MIER1: variants seen among roughly 807,000 people sequenced by gnomAD.
MIER1 encodes the protein mesoderm induction early response protein 1.
A neutral mutation model predicts 75.7 loss-of-function variants in MIER1; 40 were observed. The observed-to-expected ratio is 0.53, with a 90% CI of 0.41 to 0.69. MIER1 has a LOEUF of 0.69. Among genes scored for constraint, MIER1 ranks in the 30% least tolerant of loss-of-function variants. The pLI, the probability that MIER1 is intolerant of heterozygous loss-of-function variation, is 0.00. For synonymous variants in MIER1, 213 were observed against 223.4 expected, an observed-to-expected ratio of 0.95 and a Z score of 0.42; for missense variants, 574 against 680.2, an observed-to-expected ratio of 0.84 and a Z score of 1.74.
chr1:66,961,256 C>T lies in MIER1; in HGVS notation c.699+1513C>T, dbSNP rs532578866. Reference sequence around the variant, plus strand: ...AGATGAAATTGAGTTTTTATAGAAACTTAAGGTAGGGGAAACAGTTTTGAA... The same window carrying T: ...AGATGAAATTGAGTTTTTATAGAAATTTAAGGTAGGGGAAACAGTTTTGAA... On this transcript the variant is annotated intron_variant, in intron 7 of 13. Coordinates refer to ENST00000401041, the MANE Select transcript of MIER1 (RefSeq NM_001077700.3). Among the ~76,000 whole-genome samples, 13 of 151,980 alleles carry T rather than the reference C, an allele frequency of 8.6e-5. No individual in the cohort carries two copies. The South Asian group carries it at 2.3e-3, about 27-fold the overall frequency.
chr1:66,984,337 AC>A (rs1428934866), intron 13 of MIER1, among the ~76,000 whole-genome samples: 1 of 152,138 alleles, frequency 6.6e-6, no homozygotes, highest in Non-Finnish European at 1.5e-5. Flanking sequence ...TTTCACAACA[AC>A]CCTGTGAGGA....
At chr1:66,935,802 CT>C (rs1468688726) in intron 2 of MIER1, among the ~76,000 whole-genome samples, 7 of 152,228 alleles carry the variant, frequency 4.6e-5, no homozygotes, top group South Asian at 2.1e-4. Flanking sequence ...TTTCTTTATA[CT>C]CCTAATTTTT....
intron 13 of MIER1, among the ~76,000 whole-genome samples, chr1:66,984,358 A>G (rs908753732): frequency 6.6e-6 from 1 of 152,228 alleles, no homozygotes; most frequent in Non-Finnish European, 1.5e-5. Context: ...AATATCTATT[A>G]TGATCTTCAT....
Position 66,984,940 on chromosome 1 carries a change from T to C in MIER1, c.*40T>C, listed in dbSNP as rs781527649. 4 of 1,526,992 alleles carry C rather than the reference T, an allele frequency of 2.6e-6. No individual in the cohort carries two copies. Among genetic ancestry groups the C allele is most frequent in the Non-Finnish European group, 3.5e-6 (4 of 1,143,230 alleles). 94.6% of individuals were successfully genotyped at this position (1,526,992 alleles called of 1,614,324 possible). ...TTACTTTCTTTGGAGTAAATTCTGG[T>C]GTGACTAAAATTTTCAGGGTTGATG... is the stretch of plus-strand genomic sequence containing the variant. On this transcript the variant is annotated 3_prime_UTR_variant, in exon 14 of 14. Coordinates refer to ENST00000401041, the MANE Select transcript of MIER1 (RefSeq NM_001077700.3).
chr1:66,953,275 A>G (rs1659382531), intron 4 of MIER1, among the ~76,000 whole-genome samples: 1 of 152,214 alleles, frequency 6.6e-6, no homozygotes, highest in Non-Finnish European at 1.5e-5. Context: ...TAATCCTTAC[A>G]TGATGCTTGT....
intron 8 of MIER1, 145 bp from the exon 9 acceptor site, chr1:66,970,663 C>T: frequency 1.9e-6 from 1 of 518,198 alleles, no homozygotes; most frequent in Non-Finnish European, 3.3e-6. Flanking sequence ...AGTTTTTGCC[C>T]AAGAACGAAG....
intron 8 of MIER1, among the ~76,000 whole-genome samples, chr1:66,969,811 T>C (rs1206127406): frequency 1.3e-5 from 2 of 152,176 alleles, no homozygotes; most frequent in African/African-American, 4.8e-5. Context: ...ATAACTAAAC[T>C]TTTCAAGAGT....
In MIER1 at chr1:66,984,795, G is replaced by A. The variant is rs1558129001; in HGVS notation, c.1593G>A (p.Arg531=). 6.2e-7 allele frequency: 1 copy of A among 1,614,010 alleles called. No homozygotes were observed. ...AAAAAAGTGAGAGACCTGCCAAAAG[G>A]CGAAGGGTAAACAGCAATGGAAAAG... is the stretch of plus-strand genomic sequence containing the variant. ...FDEKSERPAK[R]RRVNSNGKES... is the part of the protein sequence containing the mutation. The change falls in exon 14 of 14, where the codon AGG becomes AGA. Residue 531 remains arginine (R), a synonymous_variant. Transcript: ENST00000401041.
chr1:66,927,173 T>C (rs1051760961), intron 2 of MIER1, among the ~76,000 whole-genome samples: 1 of 152,148 alleles, frequency 6.6e-6, no homozygotes, highest in Non-Finnish European at 1.5e-5. Context: ...AGTAAATTGC[T>C]TACAAATGAT....
chr1:66,978,285 T>TG (rs1439129617), intron 12 of MIER1, among the ~76,000 whole-genome samples: 1 of 142,488 alleles, frequency 7.0e-6, no homozygotes, highest in African/African-American at 2.5e-5. Flanking sequence ...CAAGTTCATT[T>TG]ATAGGTAGGT....
intron 2 of MIER1, among the ~76,000 whole-genome samples, chr1:66,932,016 G>C (rs968159751): frequency 2.0e-5 from 3 of 151,998 alleles, no homozygotes; most frequent in African/African-American, 7.3e-5. Context: ...AGCTTATACA[G>C]AGAAATTTAA....
At chr1:66,956,327 G>A (rs941546158) in intron 4 of MIER1, among the ~76,000 whole-genome samples, 5 of 152,062 alleles carry the variant, frequency 3.3e-5, no homozygotes, top group African/African-American at 1.2e-4. Context: ...AGGCTGAGGT[G>A]GGAGGATCAT....
chr1:66,938,388 T>C (rs750635861), intron 2 of MIER1, among the ~76,000 whole-genome samples: 14 of 152,174 alleles, frequency 9.2e-5, no homozygotes, highest in Non-Finnish European at 7.4e-5. Flanking sequence ...ATAAGTCTTA[T>C]TTTGTGTGGA....
intron 3 of MIER1, among the ~76,000 whole-genome samples, chr1:66,944,723 T>A (rs1419089575): frequency 6.6e-6 from 1 of 152,020 alleles, no homozygotes; most frequent in Middle Eastern, 3.2e-3. Flanking sequence ...AGATTTTTTT[T>A]TATTTATTTT....
At position 66,976,934 on chromosome 1, in the gene MIER1, CTT is replaced by C. The variant is rs572211073; in HGVS notation, c.1229+213_1229+214del. 7.9e-5 allele frequency among the ~76,000 whole-genome samples: 12 copies of C among 152,182 alleles called. No individual in the cohort carries two copies. The East Asian group carries it at 2.1e-3, about 27-fold the overall frequency. ...ATAAGGCATTTAGACTTTTCAGTGT[CTT>C]ATGAAATATTGTAAACTACAGTTCA... On this transcript the variant is annotated intron_variant, in intron 12 of 13. Transcript: ENST00000401041.
chr1:66,939,921 C>T (rs552526167), intron 2 of MIER1, 107 bp from the exon 3 acceptor site: 2 of 842,858 alleles, frequency 2.4e-6, no homozygotes, highest in Non-Finnish European at 3.9e-6. Context: ...GACATTAAAA[C>T]TTACTGTAGT....
intron 8 of MIER1, among the ~76,000 whole-genome samples, chr1:66,965,811 C>G (rs1021216848): frequency 1.3e-5 from 2 of 152,106 alleles, no homozygotes; most frequent in Non-Finnish European, 2.9e-5. Flanking sequence ...ACTCCTTTCC[C>G]GGACTGACCT....
intron 3 of MIER1, among the ~76,000 whole-genome samples, chr1:66,942,202 A>C (rs1388756303): frequency 1.3e-5 from 2 of 152,178 alleles, no homozygotes; most frequent in African/African-American, 4.8e-5. Flanking sequence ...TCATGTAAAA[A>C]ATTTTTCAGT....
At chr1:66,940,384 C>A (rs1655940620) in intron 3 of MIER1, among the ~76,000 whole-genome samples, 1 of 144,232 alleles carries the variant, frequency 6.9e-6, no homozygotes, top group Non-Finnish European at 1.5e-5. Context: ...GAATCATTAG[C>A]TTAGAAATAT....
Sources: gnomAD v4.1 joint callset for allele counts (sites outside exome capture counted in the v4.1 genomes callset) on GRCh38, gnomAD v4.1.1 for gene constraint, MANE v1.5 for transcripts, NCBI Gene and HGNC (gene_info 2026-07-23, HGNC 2026-07-21) for gene names.